Variants in CD99 observed in about 807,000 individuals in gnomAD.
CD99 encodes the protein CD99 antigen.
In CD99, 19 loss-of-function variants were observed where a neutral mutation model predicts 28.4. That is an observed-to-expected ratio of 0.67 (90% CI 0.47 to 0.98). CD99 has a LOEUF of 0.98. Among genes scored for constraint, CD99 ranks in the 50% least tolerant of loss-of-function variants. CD99 has a pLI of 0.00. For missense variants in CD99, 283 were observed against 248.8 expected (o/e 1.14, Z -0.92); for synonymous variants, 103 against 92.1 (o/e 1.12, Z -0.67).
At chrX:2,730,739 C>T (rs1450377342) in intron 8 of CD99, among the ~76,000 whole-genome samples, 3 of 151,654 alleles carry the variant, frequency 2.0e-5, no homozygotes, top group Non-Finnish European at 4.4e-5. Context: ...CAAAGAGAAG[C>T]AAGAGATGGT....
chrX:2,738,120 C>T, intron 8 of CD99, 80 bp from the exon 9 acceptor site: 1 of 1,326,586 alleles, frequency 7.5e-7, no homozygotes, highest in African/African-American at 1.4e-5. Context: ...CTCAGGAAAG[C>T]CCAAGTGTTT....
At chrX:2,715,509 T>G (rs2048656243) in intron 2 of CD99, 1 of 152,238 alleles carries the variant, frequency 6.6e-6, no homozygotes, top group African/African-American at 2.4e-5. Context: ...CTCCTTTTCT[T>G]TGTCTTACAA....
chrX:2,697,126 G>A (rs1224050041), intron 1 of CD99, among the ~76,000 whole-genome samples: 2 of 152,096 alleles, frequency 1.3e-5, no homozygotes, highest in African/African-American at 4.8e-5. Flanking sequence ...AAGCCGCATG[G>A]GCAAAGCTTT....
chrX:2,726,097 C>G (rs1319993539), intron 7 of CD99, among the ~76,000 whole-genome samples, 163 bp from the exon 8 acceptor site: 1 of 152,192 alleles, frequency 6.6e-6, no homozygotes, highest in Admixed American at 6.5e-5. Flanking sequence ...TCCTGTGTAT[C>G]ATTCTCGGCA....
rs2049868109 is a variant in CD99, at chrX:2,735,077, C to T, written c.476-3123C>T. 2.0e-5 allele frequency among the ~76,000 whole-genome samples: 3 copies of T among 152,162 alleles called. No individual in the cohort carries two copies. In the South Asian group the frequency reaches 6.2e-4, roughly 32 times the overall value. ...AAGTCTGATGCAATGAAAGCTGCCC[C>T]CCATTGACCACAGGACTGAGTCCAG... On this transcript the variant is annotated intron_variant, in intron 8 of 9. Transcript: ENST00000381192.
chrX:2,711,957 G>A (rs1244767410), intron 1 of CD99, among the ~76,000 whole-genome samples: 3 of 152,108 alleles, frequency 2.0e-5, no homozygotes, highest in African/African-American at 7.2e-5. Context: ...CAGGAGAATT[G>A]CTTGAACCCA....
intron 2 of CD99, among the ~76,000 whole-genome samples, chrX:2,717,163 G>A (rs1467746285): frequency 3.3e-5 from 5 of 151,958 alleles, no homozygotes; most frequent in East Asian, 1.9e-4. Context: ...CCTGGCCAAC[G>A]TGGTGAAACC....
At chrX:2,739,963 A>C (rs2050124052) in intron 9 of CD99, among the ~76,000 whole-genome samples, 1 of 150,610 alleles carries the variant, frequency 6.6e-6, no homozygotes, top group Non-Finnish European at 1.5e-5. Context: ...ATCGTGGCGC[A>C]TGCCTGTAAT....
chrX:2,709,031 C>T (rs1436829817), intron 1 of CD99, among the ~76,000 whole-genome samples: 1 of 152,154 alleles, frequency 6.6e-6, no homozygotes, highest in East Asian at 1.9e-4. Context: ...TTCTAAGTGA[C>T]ACCTGGTCCC....
chrX:2,712,766 C>A (rs192505729), intron 1 of CD99, among the ~76,000 whole-genome samples: 278 of 152,224 alleles, frequency 1.8e-3, no homozygotes, highest in African/African-American at 6.5e-3. Flanking sequence ...AACACACACG[C>A]AGCCATGAGT....
At chrX:2,722,137 A>G (rs2049019891) in intron 5 of CD99, among the ~76,000 whole-genome samples, 1 of 151,932 alleles carries the variant, frequency 6.6e-6, no homozygotes, top group South Asian at 2.1e-4. Context: ...AATTAAAAAA[A>G]AAAAACAAAC....
chrX:2,729,737 G>A (rs955227331), intron 8 of CD99, among the ~76,000 whole-genome samples: 42 of 152,102 alleles, frequency 2.8e-4, no homozygotes, highest in Non-Finnish European at 5.1e-4. Context: ...TATCCGCCCC[G>A]CCACCCCTGG....
At chrX:2,736,617 A>G (rs993086379) in intron 8 of CD99, among the ~76,000 whole-genome samples, 11 of 151,732 alleles carry the variant, frequency 7.2e-5, no homozygotes, top group South Asian at 4.2e-4. Context: ...CAGTACTTTG[A>G]GAGGCCGAGG....
At chrX:2,739,115 G>T (rs781495481) in intron 9 of CD99, among the ~76,000 whole-genome samples, 1 of 151,812 alleles carries the variant, frequency 6.6e-6, no homozygotes, top group South Asian at 2.1e-4. Context: ...GCAACCCTCC[G>T]ACCTCAGCTT....
At chrX:2,701,150 T>G (rs1337119371) in intron 1 of CD99, among the ~76,000 whole-genome samples, 1 of 150,996 alleles carries the variant, frequency 6.6e-6, no homozygotes, top group Non-Finnish European at 1.5e-5. Context: ...TACCCATCCA[T>G]CCACCCAGCT....
Position 2,721,284 on chromosome X carries a change from C to CT in CD99, c.262+870dup, listed in dbSNP as rs1280322971. Among the ~76,000 whole-genome samples the CT allele has an allele frequency of 7.5e-4, 112 of 148,706 alleles. 1 individual carries two copies. Among genetic ancestry groups the CT allele is most frequent in the African/African-American group, 2.3e-3 (95 of 40,562 alleles). Reference sequence around the variant, plus strand: ...CTATTTGTGCTAGTATTTTATATATCTTTTTTTTTTCTTTTTTGAGACAGG... The same window carrying CT: ...CTATTTGTGCTAGTATTTTATATATCTTTTTTTTTTTCTTTTTTGAGACAGG... On this transcript the variant is annotated intron_variant, in intron 5 of 9. Transcript: ENST00000381192.
intron 1 of CD99, 134 bp from the exon 2 acceptor site, chrX:2,714,288 C>A: frequency 6.1e-6 from 4 of 656,868 alleles, no homozygotes; most frequent in South Asian, 2.3e-5. Flanking sequence ...AGAAATCACG[C>A]ACCTTGTAAA....
At chrX:2,705,904 C>T (rs939178571) in intron 1 of CD99, among the ~76,000 whole-genome samples, 28 of 152,076 alleles carry the variant, frequency 1.8e-4, no homozygotes, top group African/African-American at 5.8e-4. Context: ...GGAGGACTTC[C>T]GGTGCTTGCT....
chrX:2,692,132 C>T, intron 1 of CD99: 1 of 582,346 alleles, frequency 1.7e-6, no homozygotes, highest in Non-Finnish European at 3.0e-6. Context: ...CCTCCCACGC[C>T]CTAAACCGGG....
Sources: allele counts gnomAD v4.1 joint callset (sites outside exome capture counted in the v4.1 genomes callset), GRCh38; gene constraint gnomAD v4.1.1; transcripts MANE v1.5; gene names NCBI Gene and HGNC (gene_info 2026-07-23, HGNC 2026-07-21).